Variants in PCDHGB1 observed in about 807,000 individuals in gnomAD.
PCDHGB1 encodes the protein protocadherin gamma-B1.
A neutral mutation model predicts 56.6 loss-of-function variants in PCDHGB1; 34 were observed. That is an observed-to-expected ratio of 0.60 (90% CI 0.46 to 0.80). The LOEUF is 0.80. Among genes scored for constraint, PCDHGB1 ranks in the 30% least tolerant of loss-of-function variants. PCDHGB1 has a pLI of 0.00. For synonymous variants in PCDHGB1, 561 were observed against 505.9 expected (o/e 1.11, Z -1.46); for missense variants, 1,278 against 1,204.6 (o/e 1.06, Z -0.90).
intron 1 of PCDHGB1, chr5:141,418,464 G>A: frequency 3.7e-6 from 6 of 1,614,010 alleles, no homozygotes; most frequent in Non-Finnish European, 5.1e-6. Flanking sequence ...ACTCTGGACC[G>A]AGAAACGCAG....
intron 2 of PCDHGB1, among the ~76,000 whole-genome samples, chr5:141,495,296 T>TCCTCCAGAG (rs998633800): frequency 1.3e-5 from 2 of 152,054 alleles, no homozygotes; most frequent in Non-Finnish European, 2.9e-5. Flanking sequence ...ACTCAGCGCC[T>TCCTCCAGAG]CCTCCAGAGC....
Position 141,491,170 on chromosome 5 carries a change from G to A in PCDHGB1, c.2410-3637G>A. The stretch of plus-strand genomic sequence containing the variant: ...GGAGGATGACTCTGACACCCAGCAG[G>A]TGGTGGTCCTGGTGAGGGACAATGG... On this transcript the variant is annotated intron_variant, in intron 1 of 3. Coordinates refer to ENST00000523390, the MANE Select transcript of PCDHGB1 (RefSeq NM_018922.3). The surrounding 1 kb of genome is among the most constrained non-coding windows in gnomAD (Gnocchi z 6.9). 6.2e-7 allele frequency: 1 copy of A among 1,614,176 alleles called. No individual in the cohort carries two copies. Among genetic ancestry groups the A allele is most frequent in the Non-Finnish European group, 8.5e-7 (1 of 1,179,996 alleles).
intron 1 of PCDHGB1, chr5:141,428,187 C>T: frequency 1.4e-6 from 2 of 1,439,502 alleles, no homozygotes; most frequent in Non-Finnish European, 1.9e-6. Context: ...GGACAGCCGC[C>T]GCTCTCTGCG....
At chr5:141,403,179 C>T (rs1341077920) in intron 1 of PCDHGB1, 1 of 1,614,000 alleles carries the variant, frequency 6.2e-7, no homozygotes, top group Admixed American at 1.7e-5. Flanking sequence ...CAGCTTTTCT[C>T]TCTGAACCCG....
rs1303066281 is a variant in PCDHGB1, at chr5:141,511,199, G to A, written c.*26G>A. The A allele has an allele frequency of 1.2e-6, 2 of 1,612,750 alleles. No homozygotes were observed. The highest frequency in any genetic ancestry group is 1.3e-5 in the African/African-American group (1 of 74,896). On this transcript the variant is annotated 3_prime_UTR_variant, in exon 4 of 4. Transcript: ENST00000523390. The stretch of plus-strand genomic sequence containing the variant: ...CATGGAGGCCAGGCCAAGAGCCACA[G>A]GGCGGCCTCTCCCCAACCAGCCCAG...
intron 1 of PCDHGB1, among the ~76,000 whole-genome samples, chr5:141,358,328 A>G (rs1257521000): frequency 1.3e-5 from 2 of 152,318 alleles, no homozygotes; most frequent in East Asian, 1.9e-4. Flanking sequence ...TCATGAAGCT[A>G]TTGTTGGATC....
Position 141,393,255 on chromosome 5 carries a change from C to G in PCDHGB1, c.2409+40586C>G, listed in dbSNP as rs201229959. 2.3e-4 allele frequency: 367 copies of G among 1,613,786 alleles called. No individual in the cohort carries two copies. Among genetic ancestry groups the G allele is most frequent in the Non-Finnish European group, 2.9e-4 (338 of 1,179,916 alleles). On this transcript the variant is annotated intron_variant, in intron 1 of 3. Coordinates refer to ENST00000523390, the MANE Select transcript of PCDHGB1 (RefSeq NM_018922.3). ...AGTAAAAATTAACGAAATCGCGGTT[C>G]CTGGAGCACGTTATCCACTCCCAGA...
chr5:141,509,027 A>G (rs1409179803), intron 3 of PCDHGB1, among the ~76,000 whole-genome samples: 1 of 151,700 alleles, frequency 6.6e-6, no homozygotes, highest in Non-Finnish European at 1.5e-5. Flanking sequence ...GCTCCCTCCC[A>G]CTCAACCCCT....
At chr5:141,500,488 C>A (rs569168291) in intron 2 of PCDHGB1, among the ~76,000 whole-genome samples, 2 of 152,060 alleles carry the variant, frequency 1.3e-5, no homozygotes, top group East Asian at 3.9e-4. Flanking sequence ...GGATTACAGG[C>A]GTGAGCCACC....
intron 1 of PCDHGB1, chr5:141,427,535 C>T (rs746067304): frequency 8.0e-6 from 5 of 626,498 alleles, no homozygotes; most frequent in South Asian, 7.6e-5. Flanking sequence ...CGGAGTACAA[C>T]GTCACCATCA....
intron 1 of PCDHGB1, among the ~76,000 whole-genome samples, chr5:141,461,165 TG>T (rs2099010296): frequency 6.6e-6 from 1 of 152,146 alleles, no homozygotes; most frequent in South Asian, 2.1e-4. Flanking sequence ...ATAGTGGGAT[TG>T]CTGGATTGAA....
chr5:141,447,056 G>A (rs1452688256), intron 1 of PCDHGB1, among the ~76,000 whole-genome samples: 1 of 152,058 alleles, frequency 6.6e-6, no homozygotes, highest in Non-Finnish European at 1.5e-5. Flanking sequence ...CTATTAAAAT[G>A]TGTCAGGCTG....
chr5:141,494,953 T>G, intron 2 of PCDHGB1, 88 bp downstream of exon 2: 1 of 1,604,164 alleles, frequency 6.2e-7, no homozygotes, highest in Non-Finnish European at 8.5e-7. Flanking sequence ...GCCCAGCATT[T>G]GCTACAGATG....
intron 1 of PCDHGB1, chr5:141,376,285 C>T (rs1303749719): frequency 5.0e-6 from 8 of 1,614,112 alleles, no homozygotes; most frequent in Admixed American, 1.7e-5. Flanking sequence ...GCTTAGCGAG[C>T]ATGCCCGGCT....
At chr5:141,400,441 G>T (rs757449650) in intron 1 of PCDHGB1, 29 of 1,613,966 alleles carry the variant, frequency 1.8e-5, no homozygotes, top group Non-Finnish European at 2.1e-5. Flanking sequence ...ATTGAGTTCA[G>T]GACAAGACAT....
chr5:141,509,068 G>T (rs1267011061), intron 3 of PCDHGB1, among the ~76,000 whole-genome samples: 1 of 152,144 alleles, frequency 6.6e-6, no homozygotes, highest in Non-Finnish European at 1.5e-5. Context: ...TCTCAGCTCC[G>T]GGGATTTGCG....
rs1031624761 is a variant in PCDHGB1 at position 141,433,138 on chromosome 5, G to A, written c.2410-61669G>A. The A allele has an allele frequency of 2.5e-6, 4 of 1,614,038 alleles. No individual in the cohort carries two copies. In the Admixed American group the frequency reaches 6.7e-5, roughly 27 times the overall value. On this transcript the variant is annotated intron_variant, in intron 1 of 3. Coordinates refer to ENST00000523390, the MANE Select transcript of PCDHGB1 (RefSeq NM_018922.3). ...TTGAAAAAAGCGAGCCCCTTTTGCT[G>A]TCAGGTGATTCGGTATTTTCTAAAG...
intron 1 of PCDHGB1, chr5:141,375,571 C>A (rs760580799): frequency 2.5e-6 from 4 of 1,613,962 alleles, no homozygotes; most frequent in Non-Finnish European, 3.4e-6. Context: ...AAGACACCCT[C>A]CAGGGGGCGC....
intron 1 of PCDHGB1, chr5:141,390,248 A>G (rs778353032): frequency 2.5e-6 from 4 of 1,613,850 alleles, no homozygotes; most frequent in East Asian, 2.2e-5. Context: ...CCTTATTTCC[A>G]CTTTGTAATT....
Sources: gnomAD v4.1 joint callset for allele counts (sites outside exome capture counted in the v4.1 genomes callset) on GRCh38, gnomAD v4.1.1 for gene constraint, Gnocchi (gnomAD v3.1) non-coding constraint, MANE v1.5 for transcripts, NCBI Gene and HGNC (gene_info 2026-07-23, HGNC 2026-07-21) for gene names.